The following NDUFAF6 variants were observed in gnomAD, a reference collection of about 807,000 sequenced individuals.
NDUFAF6 encodes NADH dehydrogenase (ubiquinone) complex I, assembly factor 6.
Under a neutral mutation model 40.8 loss-of-function variants are expected in NDUFAF6, and 45 were observed. That is an observed-to-expected ratio of 1.10 (90% CI 0.87 to 1.42). NDUFAF6 has a LOEUF of 1.42. NDUFAF6 is among the 40% of genes most tolerant of loss of function. NDUFAF6 has a pLI of 0.00. For synonymous variants in NDUFAF6, 185 were observed against 155.9 expected, an observed-to-expected ratio of 1.19 and a Z score of -1.39; for missense variants, 435 against 418.5, an observed-to-expected ratio of 1.04 and a Z score of -0.34.
chr8:95,113,238 G>A (rs922197698), intron 4 of NDUFAF6, among the ~76,000 whole-genome samples: 4 of 152,202 alleles, frequency 2.6e-5, no homozygotes, highest in East Asian at 1.9e-4. Context: ...TCTCTATGGA[G>A]TAGGGAATAC....
chr8:95,105,740 A>T (rs1177276216), downstream of NDUFAF6, among the ~76,000 whole-genome samples: 5 of 151,696 alleles, frequency 3.3e-5, no homozygotes, highest in Non-Finnish European at 5.9e-5. Flanking sequence ...TGATCACGTG[A>T]TCTGCCTGCC....
At chr8:94,910,622 C>T (rs1006136569) in intron 1 of NDUFAF6, among the ~76,000 whole-genome samples, 3 of 152,178 alleles carry the variant, frequency 2.0e-5, no homozygotes, top group East Asian at 1.9e-4. Context: ...CTAGGACTGT[C>T]GGGAAGATGG....
intron 2 of NDUFAF6, among the ~76,000 whole-genome samples, chr8:95,092,234 T>A (rs934150406): frequency 6.7e-6 from 1 of 149,462 alleles, no homozygotes; most frequent in Non-Finnish European, 1.5e-5. Flanking sequence ...CAGGCTGGAG[T>A]GCAAAGGCAT....
chr8:95,003,903 G>T (rs1163136755), intron 2 of NDUFAF6, among the ~76,000 whole-genome samples: 2 of 152,076 alleles, frequency 1.3e-5, no homozygotes, highest in African/African-American at 4.8e-5. Flanking sequence ...TGCTTTATTG[G>T]GTTTCTCCCA....
At chr8:94,950,616 G>A (rs1822514806) in intron 2 of NDUFAF6, among the ~76,000 whole-genome samples, 1 of 152,168 alleles carries the variant, frequency 6.6e-6, no homozygotes, top group African/African-American at 2.4e-5. Flanking sequence ...ATGGTCATTG[G>A]ACCTTATCTT....
In NDUFAF6 at chr8:94,948,588, G is replaced by T. The variant is rs912539834; in HGVS notation, c.-799+2969G>T. ...GTTCCCCATAGCCGCAGGGCCTCCG[G>T]AACTCGGAGGGCAGGCGCAGGGGAC... is the stretch of plus-strand genomic sequence containing the variant. On this transcript the variant is annotated intron_variant, in intron 2 of 14. Transcript: ENST00000396113. Among the ~76,000 whole-genome samples the T allele has an allele frequency of 2.0e-5, 3 of 152,294 alleles. No homozygotes were observed. The East Asian group carries it at 5.8e-4, about 30-fold the overall frequency.
rs61743028 is a variant in NDUFAF6 at position 95,052,195 on chromosome 8, G to A, written c.838G>A (p.Val280Ile). 3.1e-3 allele frequency: 4,982 copies of A among 1,614,070 alleles called. 39 individuals carry two copies. In the Middle Eastern group the frequency reaches 0.047, roughly 15 times the overall value. ...LKHARSFHKT[V>I]PVKAFPAFLQ... ...TTAGGCTAGGTCCTTTCACAAAACT[G>A]TTCCTGTGAAAGCATTTCCTGCTTT... The change falls in exon 8 of 9, where the codon GTT (valine) becomes ATT (isoleucine). Residue 280 changes from valine to isoleucine, a missense_variant. Transcript: ENST00000396124.
intron 1 of NDUFAF6, among the ~76,000 whole-genome samples, chr8:94,936,928 A>G (rs1821036099): frequency 6.6e-6 from 1 of 152,204 alleles, no homozygotes; most frequent in African/African-American, 2.4e-5. Flanking sequence ...CAAAAGAGAC[A>G]GACTACTGAT....
chr8:95,045,942 C>G (rs1243481558), intron 5 of NDUFAF6, among the ~76,000 whole-genome samples: 1 of 152,088 alleles, frequency 6.6e-6, no homozygotes, highest in African/African-American at 2.4e-5. Flanking sequence ...TATAGCATCT[C>G]CTACAATTTG....
chr8:95,105,264 G>C (rs185064790), downstream of NDUFAF6, among the ~76,000 whole-genome samples: 4 of 152,188 alleles, frequency 2.6e-5, no homozygotes, highest in African/African-American at 9.7e-5. Flanking sequence ...GACCAAGACA[G>C]CTGGCCATGC....
intron 2 of NDUFAF6, chr8:94,950,185 G>A (rs1822462531): frequency 6.6e-6 from 1 of 152,320 alleles, no homozygotes; most frequent in African/African-American, 2.4e-5. Flanking sequence ...GTGACCCACG[G>A]AACTTAGCCC....
intron 7 of NDUFAF6, among the ~76,000 whole-genome samples, chr8:95,051,219 C>T (rs1274107267): frequency 6.6e-6 from 1 of 152,046 alleles, no homozygotes; most frequent in Non-Finnish European, 1.5e-5. Context: ...CCAAGGCCCA[C>T]TTCTGTTTAC....
chr8:94,916,257 G>C (rs1204558977), intron 1 of NDUFAF6, among the ~76,000 whole-genome samples: 1 of 152,188 alleles, frequency 6.6e-6, no homozygotes, highest in African/African-American at 2.4e-5. Context: ...TGGAATCGGA[G>C]GTGGTCCTGA....
upstream of NDUFAF6, among the ~76,000 whole-genome samples, chr8:95,095,754 C>A (rs894587001): frequency 2.0e-5 from 3 of 151,910 alleles, no homozygotes; most frequent in Non-Finnish European, 4.4e-5. Flanking sequence ...AACCTCTGCC[C>A]CCTGGGTTCA....
chr8:94,943,733 C>T (rs1171777317), intron 1 of NDUFAF6, among the ~76,000 whole-genome samples: 1 of 152,186 alleles, frequency 6.6e-6, no homozygotes, highest in Non-Finnish European at 1.5e-5. Context: ...ACAAGTTAAA[C>T]ATTTCAAATA....
intron 2 of NDUFAF6, among the ~76,000 whole-genome samples, chr8:95,001,826 A>G (rs1270236183): frequency 1.3e-5 from 2 of 152,254 alleles, no homozygotes; most frequent in East Asian, 1.9e-4. Flanking sequence ...TTCCCAGAGC[A>G]TCTGCAGATT....
At chr8:95,008,417 A>C (rs575491212) in intron 2 of NDUFAF6, among the ~76,000 whole-genome samples, 271 of 152,332 alleles carry the variant, frequency 1.8e-3, no homozygotes, top group Admixed American at 3.3e-3. Context: ...TCAGTTTGCT[A>C]TGTCTTGTTT....
chr8:94,978,964 A>C (rs1825190125), intron 1 of NDUFAF6, among the ~76,000 whole-genome samples: 1 of 152,138 alleles, frequency 6.6e-6, no homozygotes. Flanking sequence ...TGGTACACCT[A>C]GTTGGTGTCC....
chr8:94,939,587 G>A (rs1167463457), intron 1 of NDUFAF6: 12 of 376,824 alleles, frequency 3.2e-5, no homozygotes, highest in Admixed American at 1.5e-4. Context: ...TTGTACAGAC[G>A]GGGTTTCACC....
Sources: allele counts gnomAD v4.1 joint callset (sites outside exome capture counted in the v4.1 genomes callset), GRCh38; gene constraint gnomAD v4.1.1; transcripts MANE v1.5; gene names NCBI Gene and HGNC (gene_info 2026-07-23, HGNC 2026-07-21).